CNKSR2: variants seen among roughly 807,000 people sequenced by gnomAD.
The protein encoded by CNKSR2 is connector enhancer of kinase suppressor of Ras 2.
CNKSR2 carries 14 observed loss-of-function variants against 84.4 expected under a neutral mutation model. The ratio of observed to expected loss-of-function variants is 0.17; its 90% CI spans 0.11 to 0.26. The LOEUF (loss-of-function observed/expected upper bound fraction) is 0.26. Among genes scored for constraint, CNKSR2 ranks in the 10% least tolerant of loss-of-function variants. The probability of loss-of-function intolerance (pLI) is 1.00; values close to 1 mark genes in which losing one functional copy is unlikely to be tolerated. For missense variants in CNKSR2, 485 were observed against 771.2 expected (o/e 0.63, Z 4.40); for synonymous variants, 275 against 277.9 (o/e 0.99, Z 0.10).
rs779680348 is a variant in CNKSR2, at chrX:21,617,217, C to A, written c.2692+7600C>A. ...TCACTTCTCTTCAGCTCAATAATAG[C>A]ATATTATTCATTTCTCCATGGAGTA... On this transcript the variant is annotated intron_variant, in intron 20 of 21. Coordinates refer to ENST00000379510, the MANE Select transcript of CNKSR2 (RefSeq NM_014927.5). 2.7e-5 allele frequency among the ~76,000 whole-genome samples: 3 copies of A among 111,450 alleles called. No individual in the cohort carries two copies. The East Asian group carries it at 8.4e-4, about 31-fold the overall frequency.
At chrX:21,536,270 G>C (rs776415624) in intron 11 of CNKSR2, among the ~76,000 whole-genome samples, 1 of 110,879 alleles carries the variant, frequency 9.0e-6, no homozygotes, top group South Asian at 3.8e-4. Context: ...CTAGTGTTTT[G>C]TTGAGGATTT....
intron 20 of CNKSR2, among the ~76,000 whole-genome samples, chrX:21,629,371 G>A (rs747213457): frequency 7.1e-4 from 80 of 111,925 alleles, no homozygotes; most frequent in African/African-American, 1.3e-3. Context: ...CTTTTCAGCC[G>A]TGCCCCACTC....
chrX:21,533,152 A>G (rs2091899732), intron 11 of CNKSR2, among the ~76,000 whole-genome samples: 1 of 110,841 alleles, frequency 9.0e-6, no homozygotes, highest in Non-Finnish European at 1.9e-5. Flanking sequence ...CATAAGAATA[A>G]ATAATATATT....
In CNKSR2 at chrX:21,501,552, T is replaced by C; in HGVS notation, c.774T>C (p.Ala258=). ...CAGATCGGTGCAAGAAAATCCATGCTGGCGATGAAGTGATTCAAGTTAATC... is the reference window on the plus strand; with the variant it reads ...CAGATCGGTGCAAGAAAATCCATGCCGGCGATGAAGTGATTCAAGTTAATC... ...SPADRCKKIH[A]GDEVIQVNHQ... is the part of the protein sequence containing the mutation. The change falls in exon 8 of 22, where the codon GCT becomes GCC. Residue 258 remains alanine, a synonymous_variant. Coordinates refer to ENST00000379510, the MANE Select transcript of CNKSR2 (RefSeq NM_014927.5). 1 of 1,175,927 alleles carries C rather than the reference T, an allele frequency of 8.5e-7. No individual in the cohort carries two copies. Among genetic ancestry groups the C allele is most frequent in the Non-Finnish European group, 1.1e-6 (1 of 870,208 alleles).
chrX:21,636,384 C>CGAA (rs2092672546), intron 20 of CNKSR2, among the ~76,000 whole-genome samples: 1 of 110,515 alleles, frequency 9.0e-6, no homozygotes, highest in Non-Finnish European at 1.9e-5. Flanking sequence ...TCAGACTTCA[C>CGAA]CTATGTTATC....
chrX:21,437,026 G>C (rs2090715540), intron 3 of CNKSR2, among the ~76,000 whole-genome samples: 1 of 111,758 alleles, frequency 8.9e-6, no homozygotes, highest in African/African-American at 3.3e-5. Flanking sequence ...CTTGGTATGT[G>C]TTTAGATTTT....
chrX:21,426,872 G>A (rs1010547093), intron 2 of CNKSR2: 32 of 412,244 alleles, frequency 7.8e-5, no homozygotes, highest in Admixed American at 3.5e-4. Context: ...TTTTATAACA[G>A]TAAGACTTGG....
intron 20 of CNKSR2, among the ~76,000 whole-genome samples, chrX:21,629,559 G>A (rs912887817): frequency 1.8e-5 from 2 of 111,883 alleles, no homozygotes; most frequent in East Asian, 5.6e-4. Flanking sequence ...CTTGGATGGG[G>A]TCAGGCAAAG....
chrX:21,389,554 G>A (rs1301303777), intron 1 of CNKSR2, among the ~76,000 whole-genome samples: 1 of 111,817 alleles, frequency 8.9e-6, no homozygotes, highest in African/African-American at 3.3e-5. Context: ...GTTTTGTTTT[G>A]CCTCTCTGGA....
At chrX:21,497,575 G>A (rs1290938060) in intron 6 of CNKSR2, among the ~76,000 whole-genome samples, 1 of 111,514 alleles carries the variant, frequency 9.0e-6, no homozygotes, top group East Asian at 2.8e-4. Context: ...ATTTAATTGA[G>A]TATAGGCTTC....
At chrX:21,551,637 A>G (rs747385275) in intron 11 of CNKSR2, among the ~76,000 whole-genome samples, 29 of 111,952 alleles carry the variant, frequency 2.6e-4, no homozygotes, top group African/African-American at 9.1e-4. Context: ...ATTTCCGGGG[A>G]CAATTTTGTT....
At chrX:21,576,787 T>C (rs1202896091) in intron 13 of CNKSR2, among the ~76,000 whole-genome samples, 2 of 111,299 alleles carry the variant, frequency 1.8e-5, no homozygotes, top group African/African-American at 6.5e-5. Context: ...CTGCCAAAAC[T>C]CACCCAAAAT....
At chrX:21,468,749 A>T (rs1036890108) in intron 4 of CNKSR2, 1 of 111,693 alleles carries the variant, frequency 9.0e-6, no homozygotes, top group Non-Finnish European at 1.9e-5. Flanking sequence ...ACATATGTAC[A>T]TAGATAATAC....
At chrX:21,644,837 G>A (rs1024532654) in intron 20 of CNKSR2, 1 of 111,833 alleles carries the variant, frequency 8.9e-6, no homozygotes, top group Admixed American at 9.5e-5. Flanking sequence ...AGTAATACAT[G>A]TATATAAGTT....
chrX:21,538,722 G>A (rs2091951351), intron 11 of CNKSR2: 2 of 112,671 alleles, frequency 1.8e-5, no homozygotes, highest in African/African-American at 6.4e-5. Flanking sequence ...CCAACAGTGC[G>A]GACTTCAGTA....
At chrX:21,623,581 C>T (rs1185316854) in intron 20 of CNKSR2, among the ~76,000 whole-genome samples, 1 of 111,612 alleles carries the variant, frequency 9.0e-6, no homozygotes, top group Non-Finnish European at 1.9e-5. Context: ...CAGTGATATA[C>T]CTCTCCCAAC....
rs2091685947 is a variant in CNKSR2 at position 21,512,702 on chromosome X, A to G, written c.811-3783A>G. ...ACACAAAATAGATTAAAAAGAGGAG[A>G]AAAGTCATAGGTGACTCCAAACTCC... is the stretch of plus-strand genomic sequence containing the variant. On this transcript the variant is annotated intron_variant, in intron 8 of 21. Transcript: ENST00000379510. 3.6e-5 allele frequency among the ~76,000 whole-genome samples: 4 copies of G among 111,524 alleles called. No homozygotes were observed. In the Admixed American group the frequency reaches 3.8e-4, roughly 11 times the overall value.
At chrX:21,488,756 G>A (rs938352192) in intron 5 of CNKSR2, among the ~76,000 whole-genome samples, 2 of 111,093 alleles carry the variant, frequency 1.8e-5, no homozygotes, top group African/African-American at 6.6e-5. Flanking sequence ...AATAAATCTC[G>A]GGATCCCCAA....
Position 21,563,431 on chromosome X carries a change from G to A in CNKSR2, c.1587G>A (p.Val529=). ...GACAAGACATCATGGGCACTCCTGTGCCAGAGACCACACTATACCATGTAA... is the reference window on the plus strand; with the variant it reads ...GACAAGACATCATGGGCACTCCTGTACCAGAGACCACACTATACCATGTAA... ...ALRQDIMGTP[V]PETTLYHTFQ... is the part of the protein sequence containing the mutation. Residue 529 remains valine (V), a synonymous_variant, in exon 13 of 22, where the codon GTG becomes GTA. Transcript: ENST00000379510. 2 of 1,206,827 alleles carry A rather than the reference G, an allele frequency of 1.7e-6. No homozygotes were observed. The highest frequency in any genetic ancestry group is 2.2e-6 in the Non-Finnish European group (2 of 891,435).
Sources: allele counts gnomAD v4.1 joint callset (sites outside exome capture counted in the v4.1 genomes callset), GRCh38; gene constraint gnomAD v4.1.1; transcripts MANE v1.5; gene names NCBI Gene and HGNC (gene_info 2026-07-23, HGNC 2026-07-21).